The following TBXAS1 variants were observed in gnomAD, a reference collection of about 807,000 sequenced individuals.
The protein encoded by TBXAS1 is thromboxane A synthase 1, also known as thromboxane-A synthase.
TBXAS1 carries 48 observed loss-of-function variants against 60.7 expected under a neutral mutation model. That is an observed-to-expected ratio of 0.79 (90% confidence interval 0.63 to 1.01). The LOEUF (loss-of-function observed/expected upper bound fraction) is 1.01. Ranked by LOEUF, TBXAS1 falls within the 50% of genes least tolerant of loss-of-function variation. The pLI, the probability that TBXAS1 is intolerant of heterozygous loss-of-function variation, is 0.00. For synonymous variants in TBXAS1, 287 were observed against 269.7 expected (o/e 1.06, Z -0.63); for missense variants, 685 against 686.3 (o/e 1.00, Z 0.02).
rs538974522 is a variant in TBXAS1, at chr7:139,975,650, C to T, written c.1134+13417C>T. On this transcript the variant is annotated intron_variant, in intron 9 of 12. Coordinates refer to ENST00000448866, the MANE Select transcript of TBXAS1 (RefSeq NM_001061.7). The surrounding 1 kb of genome is among the most constrained non-coding windows in gnomAD (Gnocchi z 4.4). ...CACAGTGCCCGCATCTTCATTGGTT[C>T]ACCTTTGCAGGTATCATCTGTGACC... is the stretch of plus-strand genomic sequence containing the variant. Among the ~76,000 whole-genome samples the T allele has an allele frequency of 6.6e-6, 1 of 152,330 alleles. No individual in the cohort carries two copies. Among genetic ancestry groups the T allele is most frequent in the East Asian group, 1.9e-4 (1 of 5,184 alleles).
chr7:139,849,868 G>A (rs1412375972), intron 1 of TBXAS1, among the ~76,000 whole-genome samples: 1 of 152,220 alleles, frequency 6.6e-6, no homozygotes, highest in Non-Finnish European at 1.5e-5. Flanking sequence ...TATTGCTTAG[G>A]ACAAATTCAT....
At chr7:139,920,034 G>C (rs888370162) in intron 4 of TBXAS1, among the ~76,000 whole-genome samples, 1 of 152,178 alleles carries the variant, frequency 6.6e-6, no homozygotes, top group African/African-American at 2.4e-5. Context: ...AGCAGAGCTT[G>C]TACAGCCCTA....
chr7:139,984,799 G>C (rs1812289595), intron 9 of TBXAS1, among the ~76,000 whole-genome samples: 1 of 139,452 alleles, frequency 7.2e-6, no homozygotes, highest in East Asian at 2.1e-4. Context: ...GAAAGAAAGG[G>C]AAGGGGGAAA....
chr7:139,952,012 A>AAG (rs746618111), intron 5 of TBXAS1, among the ~76,000 whole-genome samples: 113 of 111,348 alleles, frequency 1.0e-3, no homozygotes, highest in Non-Finnish European at 1.9e-3. Flanking sequence ...GAAAGAAAGA[A>AAG]AAAGAAAGGA....
At chr7:139,905,027 C>CTT (rs1283933659) in intron 3 of TBXAS1, among the ~76,000 whole-genome samples, 1 of 80,212 alleles carries the variant, frequency 1.2e-5, no homozygotes, top group Non-Finnish European at 2.3e-5. Flanking sequence ...TTCTTTCTTT[C>CTT]TTTCTTTCTT....
chr7:139,802,154 A>G (rs1192679426), intron 4 of TBXAS1, among the ~76,000 whole-genome samples: 1 of 152,150 alleles, frequency 6.6e-6, no homozygotes, highest in Non-Finnish European at 1.5e-5. Flanking sequence ...TGAGATTTTT[A>G]TCTGTCCCTC....
chr7:139,979,403 C>A (rs1467480003), intron 9 of TBXAS1, among the ~76,000 whole-genome samples: 1 of 152,020 alleles, frequency 6.6e-6, no homozygotes, highest in Non-Finnish European at 1.5e-5. Flanking sequence ...CTTCAATAAC[C>A]AATAAACAGA....
At chr7:139,808,597 C>T (rs1043491539) in intron 4 of TBXAS1, among the ~76,000 whole-genome samples, 4 of 152,308 alleles carry the variant, frequency 2.6e-5, no homozygotes, top group African/African-American at 4.8e-5. Context: ...CTAGCTCCAG[C>T]GTGCTCCTGG....
At chr7:139,884,366 T>G (rs1323067877) in intron 3 of TBXAS1, among the ~76,000 whole-genome samples, 1 of 152,270 alleles carries the variant, frequency 6.6e-6, no homozygotes, top group African/African-American at 2.4e-5. Flanking sequence ...GACATCTCTC[T>G]GTAAGATTTT....
At chr7:139,985,930 C>T (rs1046396617) in intron 9 of TBXAS1, among the ~76,000 whole-genome samples, 3 of 152,226 alleles carry the variant, frequency 2.0e-5, no homozygotes, top group African/African-American at 7.2e-5. Flanking sequence ...GTTGGTAGCA[C>T]CCAGGAGCCT....
At chr7:139,932,099 G>A (rs543121642) in intron 4 of TBXAS1, among the ~76,000 whole-genome samples, 7 of 150,572 alleles carry the variant, frequency 4.6e-5, no homozygotes, top group East Asian at 3.9e-4. Context: ...CCCAGGAGGC[G>A]GAGCTTGCAG....
At position 139,947,179 on chromosome 7, in the gene TBXAS1, G is replaced by A. The variant is rs529770843; in HGVS notation, c.451-6189G>A. On this transcript the variant is annotated intron_variant, in intron 5 of 12. Coordinates refer to ENST00000448866, the MANE Select transcript of TBXAS1 (RefSeq NM_001061.7). ...AAAAAAAAAACTGGTGCCCATCAAT[G>A]ACAGACTGGATAAAGAAAATGTGGT... 2.2e-4 allele frequency among the ~76,000 whole-genome samples: 33 copies of A among 152,124 alleles called. 1 individual carries two copies. In the South Asian group the frequency reaches 6.9e-3, roughly 32 times the overall value.
chr7:139,980,941 GA>G (rs5887947), intron 9 of TBXAS1, among the ~76,000 whole-genome samples: 7,839 of 146,904 alleles, frequency 0.053, 294 homozygotes, highest in East Asian at 0.16. Flanking sequence ...TTCCACAGAT[GA>G]AAAAAAAAAA....
At chr7:139,955,433 G>C (rs769097665) in intron 6 of TBXAS1, 26 bp from the exon 7 acceptor site, 2 of 1,614,006 alleles carry the variant, frequency 1.2e-6, no homozygotes, top group South Asian at 1.1e-5. Flanking sequence ...AGTCCTTTCA[G>C]ATCTCTGTGC....
intron 5 of TBXAS1, among the ~76,000 whole-genome samples, chr7:139,944,859 A>T (rs1358809308): frequency 2.0e-5 from 3 of 152,228 alleles, no homozygotes; most frequent in African/African-American, 7.2e-5. Context: ...CCTAGCACTC[A>T]GCATTGTCCA....
chr7:139,879,540 T>C (rs1802522613), intron 3 of TBXAS1, among the ~76,000 whole-genome samples: 1 of 152,156 alleles, frequency 6.6e-6, no homozygotes, highest in Non-Finnish European at 1.5e-5. Flanking sequence ...TCCCAAACTC[T>C]GTAAGAACAG....
chr7:139,894,878 C>A (rs953634268), intron 3 of TBXAS1, among the ~76,000 whole-genome samples: 4 of 152,170 alleles, frequency 2.6e-5, no homozygotes, highest in African/African-American at 7.2e-5. Context: ...GAGAGACTAC[C>A]CATCCCCTCC....
At chr7:140,016,598 A>G (rs2116465907) in intron 11 of TBXAS1, 1 of 162,312 alleles carries the variant, frequency 6.2e-6, no homozygotes, top group East Asian at 1.8e-4. Flanking sequence ...TGATGTCTCC[A>G]TGAATCTAAA....
chr7:139,807,270 G>A (rs573457916), intron 4 of TBXAS1, among the ~76,000 whole-genome samples: 4 of 152,132 alleles, frequency 2.6e-5, no homozygotes, highest in Admixed American at 1.3e-4. Context: ...GCAGTGGCAC[G>A]ATCATAGCTC....
Sources: gnomAD v4.1 joint callset for allele counts (sites outside exome capture counted in the v4.1 genomes callset) on GRCh38, gnomAD v4.1.1 for gene constraint, Gnocchi (gnomAD v3.1) non-coding constraint, MANE v1.5 for transcripts, NCBI Gene and HGNC (gene_info 2026-07-23, HGNC 2026-07-21) for gene names.